Variants in FANK1 observed in about 807,000 individuals in gnomAD.
FANK1 encodes fibronectin type 3 and ankyrin repeat domains protein 1.
A neutral mutation model predicts 45.3 loss-of-function variants in FANK1; 44 were observed. That is an observed-to-expected ratio of 0.97 (90% CI 0.76 to 1.25). FANK1 has a LOEUF of 1.25. Ranked by LOEUF, FANK1 falls within the 50% of genes most tolerant of loss-of-function variation. The probability of loss-of-function intolerance (pLI) is 0.00; values close to 1 mark genes in which losing one functional copy is unlikely to be tolerated. For synonymous variants in FANK1, 149 were observed against 152.5 expected, an observed-to-expected ratio of 0.98 and a Z score of 0.17; for missense variants, 391 against 424.4, an observed-to-expected ratio of 0.92 and a Z score of 0.69.
intron 6 of FANK1, among the ~76,000 whole-genome samples, chr10:126,000,636 C>T (rs1437726933): frequency 2.6e-5 from 4 of 151,924 alleles, no homozygotes; most frequent in Non-Finnish European, 5.9e-5. Flanking sequence ...AACACAGAGG[C>T]ATAATTATTT....
At chr10:125,985,071 C>A (rs561610237) in intron 2 of FANK1, among the ~76,000 whole-genome samples, 1 of 151,526 alleles carries the variant, frequency 6.6e-6, no homozygotes, top group South Asian at 2.1e-4. Flanking sequence ...GACAAGCGTG[C>A]TTGGTAACAT....
In FANK1 at chr10:126,002,449, C is replaced by A. The variant is rs944033494; in HGVS notation, c.540-2435C>A. Reference sequence around the variant, plus strand: ...GGGAAAGCAGTATGAACACCCTAAACCCAGCAGGCAGGTGCTGCACCATGC... The same window carrying A: ...GGGAAAGCAGTATGAACACCCTAAAACCAGCAGGCAGGTGCTGCACCATGC... On this transcript the variant is annotated intron_variant, in intron 6 of 10. Transcript: ENST00000368693. Among the ~76,000 whole-genome samples, 26 of 152,180 alleles carry A rather than the reference C, an allele frequency of 1.7e-4. 1 individual carries two copies. The highest frequency in any genetic ancestry group is 1.6e-3 in the Admixed American group (24 of 15,286).
At chr10:125,939,140 C>A (rs889602546) in intron 1 of FANK1, among the ~76,000 whole-genome samples, 17 of 152,158 alleles carry the variant, frequency 1.1e-4, no homozygotes, top group Admixed American at 7.2e-4. Context: ...TTCCAGAACA[C>A]AACTGGCCTG....
intron 6 of FANK1, 69 bp from the exon 7 acceptor site, chr10:126,004,815 G>C: frequency 6.5e-7 from 1 of 1,540,212 alleles, no homozygotes. Flanking sequence ...AAGCCAGGTA[G>C]GGTAAAAGGT....
intron 1 of FANK1, among the ~76,000 whole-genome samples, chr10:125,930,419 C>G (rs1184573416): frequency 6.6e-6 from 1 of 152,086 alleles, no homozygotes; most frequent in Non-Finnish European, 1.5e-5. Flanking sequence ...TCACTGCAGC[C>G]TCAACCTCCC....
Position 125,977,301 on chromosome 10 carries a change from A to G in FANK1, c.14-2860A>G, listed in dbSNP as rs60183917. Among the ~76,000 whole-genome samples the G allele has an allele frequency of 5.2e-3, 786 of 152,168 alleles. 7 individuals carry two copies. Among genetic ancestry groups the G allele is most frequent in the African/African-American group, 0.016 (678 of 41,506 alleles). On this transcript the variant is annotated intron_variant, in intron 1 of 10. Coordinates refer to ENST00000368693, the MANE Select transcript of FANK1 (RefSeq NM_145235.5). ...TTTTCACTGGGCTGATGCTTTATGT[A>G]GGGTCTTTATTTGAAGCTTACTTGT...
intron 1 of FANK1, among the ~76,000 whole-genome samples, chr10:125,968,202 C>T (rs972007896): frequency 1.2e-4 from 18 of 152,040 alleles, no homozygotes; most frequent in Middle Eastern, 3.2e-3. Context: ...ATGTGATCCT[C>T]TCACCTTGGC....
At chr10:125,912,156 G>A (rs1946065031) in intron 1 of FANK1, among the ~76,000 whole-genome samples, 1 of 152,126 alleles carries the variant, frequency 6.6e-6, no homozygotes, top group Non-Finnish European at 1.5e-5. Flanking sequence ...GTGTGGCCCT[G>A]GCACCTGATT....
chr10:125,986,144 G>A (rs1318638983), intron 2 of FANK1, among the ~76,000 whole-genome samples: 1 of 152,152 alleles, frequency 6.6e-6, no homozygotes, highest in Admixed American at 6.5e-5. Context: ...AGCTCATTTG[G>A]CTTCTTTTAG....
chr10:125,956,212 G>GGGC (rs35333336), intron 1 of FANK1, among the ~76,000 whole-genome samples: 1 of 132,280 alleles, frequency 7.6e-6, no homozygotes, highest in African/African-American at 2.8e-5. Context: ...TGGGGGGGGG[G>GGGC]CGGTGGTGGG....
In FANK1 at chr10:125,918,585, AATATAT is replaced by A. The variant is rs1197525883; in HGVS notation, c.13+21948_13+21953del. Among the ~76,000 whole-genome samples the A allele has an allele frequency of 6.1e-3, 429 of 70,886 alleles. 5 individuals are homozygous for A. The highest frequency in any genetic ancestry group is 0.013 in the African/African-American group (166 of 12,582). The allele number at this position is 70,886 out of a possible 152,430, so 46.5% of individuals were successfully genotyped here. On this transcript the variant is annotated intron_variant, in intron 1 of 10. Coordinates refer to ENST00000368693, the MANE Select transcript of FANK1 (RefSeq NM_145235.5). ...AAAAAAAAAAAAAAAAAAAAAAAAA[AATATAT>A]ATATATATATATATATAGTTATATA...
chr10:125,984,498 T>C (rs996406643), intron 2 of FANK1, among the ~76,000 whole-genome samples: 1 of 152,114 alleles, frequency 6.6e-6, no homozygotes, highest in African/African-American at 2.4e-5. Context: ...CCTGAGCAAC[T>C]GTAATAACAG....
intron 1 of FANK1, among the ~76,000 whole-genome samples, chr10:125,951,310 T>G (rs1949212710): frequency 6.6e-6 from 1 of 152,158 alleles, no homozygotes; most frequent in Non-Finnish European, 1.5e-5. Flanking sequence ...TTATAACTAT[T>G]TGCTCATATT....
At chr10:125,989,083 C>T (rs1337642639) in intron 3 of FANK1, among the ~76,000 whole-genome samples, 5 of 152,150 alleles carry the variant, frequency 3.3e-5, no homozygotes, top group Non-Finnish European at 7.3e-5. Context: ...CCAGGGTGTG[C>T]GTCTTAACTC....
chr10:126,002,311 C>CA (rs35254865), intron 6 of FANK1, among the ~76,000 whole-genome samples: 53,368 of 151,456 alleles, frequency 0.35, 9,867 homozygotes, highest in South Asian at 0.45. Context: ...GACTCTGTCT[C>CA]AAAAAAAACA....
At chr10:125,933,342 T>C (rs1217286076) in intron 1 of FANK1, among the ~76,000 whole-genome samples, 1 of 152,218 alleles carries the variant, frequency 6.6e-6, no homozygotes, top group Non-Finnish European at 1.5e-5. Context: ...GGTATCTAAT[T>C]CTTCCTGATT....
In FANK1 at chr10:125,896,603, G is replaced by A. The variant is rs768741862; in HGVS notation, c.-40G>A. On this transcript the variant is annotated 5_prime_UTR_variant, in exon 1 of 11. Coordinates refer to ENST00000368693, the MANE Select transcript of FANK1 (RefSeq NM_145235.5). ...CGGCCCTGGCTGAGAGGCGTTAGGA[G>A]TCCGGGGGTTCGCCCGCGGAGGCCG... The A allele has an allele frequency of 9.4e-6, 12 of 1,272,820 alleles. No individual in the cohort carries two copies. Among genetic ancestry groups the A allele is most frequent in the Non-Finnish European group, 1.1e-5 (11 of 1,007,098 alleles). The allele number at this position is 1,272,820 out of a possible 1,614,324, so 78.8% of individuals were successfully genotyped here. A position where few individuals can be genotyped will look rare whatever the true frequency, so the allele number is the denominator to read the frequency against.
At chr10:125,947,168 T>C (rs1948864764) in intron 1 of FANK1, among the ~76,000 whole-genome samples, 1 of 151,772 alleles carries the variant, frequency 6.6e-6, no homozygotes, top group African/African-American at 2.4e-5. Flanking sequence ...CATGCCAAAA[T>C]GTAAAGACCA....
rs112768908 is a variant in FANK1, at chr10:125,982,228, T to A, written c.191+1890T>A. 2.8e-3 allele frequency among the ~76,000 whole-genome samples: 424 copies of A among 152,356 alleles called. 1 individual carries two copies. The highest frequency in any genetic ancestry group is 9.7e-3 in the African/African-American group (405 of 41,586). ...AGGTGAATGGGGCCATCCTGCATCG[T>A]TCTTTCTTCCTTGGCTGTGCCTTTG... On this transcript the variant is annotated intron_variant, in intron 2 of 10. Coordinates refer to ENST00000368693, the MANE Select transcript of FANK1 (RefSeq NM_145235.5).
Sources: gnomAD v4.1 joint callset for allele counts (sites outside exome capture counted in the v4.1 genomes callset) on GRCh38, gnomAD v4.1.1 for gene constraint, MANE v1.5 for transcripts, NCBI Gene and HGNC (gene_info 2026-07-23, HGNC 2026-07-21) for gene names.